Variants in FRMD5 observed in about 807,000 individuals in gnomAD.
FRMD5 encodes the protein FERM domain containing 5.
In FRMD5, 20 loss-of-function variants were observed where a neutral mutation model predicts 69.0. The ratio of observed to expected loss-of-function variants is 0.29; its 90% CI spans 0.20 to 0.42. FRMD5 has a LOEUF of 0.42. Ranked by LOEUF, FRMD5 falls within the 10% of genes least tolerant of loss-of-function variation. The pLI, the probability that FRMD5 is intolerant of heterozygous loss-of-function variation, is 1.00. For missense variants in FRMD5, 595 were observed against 708.6 expected, an observed-to-expected ratio of 0.84 and a Z score of 1.82; for synonymous variants, 271 against 260.1, an observed-to-expected ratio of 1.04 and a Z score of -0.40.
intron 1 of FRMD5, among the ~76,000 whole-genome samples, chr15:43,979,126 C>A (rs2090509418): frequency 6.6e-6 from 1 of 151,950 alleles, no homozygotes; most frequent in Non-Finnish European, 1.5e-5. Flanking sequence ...TCACCTGAGG[C>A]CAGCAGTTCA....
At chr15:43,981,897 C>T (rs1233051463) in intron 1 of FRMD5, among the ~76,000 whole-genome samples, 5 of 152,324 alleles carry the variant, frequency 3.3e-5, no homozygotes, top group Admixed American at 3.3e-4. Context: ...TCTACCCTCT[C>T]CCCCACTTTT....
rs141859809 is a variant in FRMD5, at chr15:44,167,748, C to T, written c.102+27205G>A. On this transcript the variant is annotated intron_variant, in intron 1 of 13. Transcript: ENST00000417257. ...GGGATTACAGGCATGTGCCATGATG[C>T]CCGGCTAATTTTTGTATTTTTTAGT... Among the ~76,000 whole-genome samples, 1,011 of 152,270 alleles carry T rather than the reference C, an allele frequency of 6.6e-3. 11 individuals carry two copies. The highest frequency in any genetic ancestry group is 0.023 in the African/African-American group (970 of 41,562).
At chr15:44,193,986 A>G (rs1170740982) in intron 1 of FRMD5, among the ~76,000 whole-genome samples, 1 of 152,242 alleles carries the variant, frequency 6.6e-6, no homozygotes, top group African/African-American at 2.4e-5. Flanking sequence ...GCTTCTCCAC[A>G]AAGAGCAGCT....
chr15:44,052,995 G>A (rs1190679559), intron 1 of FRMD5, among the ~76,000 whole-genome samples: 1 of 152,146 alleles, frequency 6.6e-6, no homozygotes, highest in African/African-American at 2.4e-5. Flanking sequence ...TTACAACAGT[G>A]TAACTGTGCT....
At chr15:44,155,225 A>C (rs2077507527) in intron 1 of FRMD5, among the ~76,000 whole-genome samples, 1 of 152,150 alleles carries the variant, frequency 6.6e-6, no homozygotes, top group Non-Finnish European at 1.5e-5. Flanking sequence ...CAAGGTCGGG[A>C]GATCAAGACC....
chr15:44,082,409 A>C (rs140594388), intron 1 of FRMD5, among the ~76,000 whole-genome samples: 2 of 152,080 alleles, frequency 1.3e-5, no homozygotes, highest in African/African-American at 4.8e-5. Flanking sequence ...GCTATGTGAC[A>C]ATCAGTCCTC....
At chr15:44,182,014 CT>C (rs11291925) in intron 1 of FRMD5, among the ~76,000 whole-genome samples, 23,069 of 141,870 alleles carry the variant, frequency 0.16, 3,906 homozygotes, top group African/African-American at 0.47. Context: ...TTTACATTTG[CT>C]TTTTTTTTTT....
At chr15:44,158,643 AG>A (rs1292590898) in intron 1 of FRMD5, among the ~76,000 whole-genome samples, 1 of 152,234 alleles carries the variant, frequency 6.6e-6, no homozygotes, top group Non-Finnish European at 1.5e-5. Flanking sequence ...ACATACTCAA[AG>A]CAGCCCTCAA....
intron 5 of FRMD5, 40 bp from the exon 6 acceptor site, chr15:43,905,991 G>C: frequency 1.9e-6 from 3 of 1,613,286 alleles, no homozygotes; most frequent in Non-Finnish European, 2.5e-6. Flanking sequence ...TGTGGAGACA[G>C]GTAAATCATC....
At chr15:43,940,197 G>A (rs1187271107) in intron 1 of FRMD5, among the ~76,000 whole-genome samples, 1 of 152,092 alleles carries the variant, frequency 6.6e-6, no homozygotes. Context: ...CAACAACAAC[G>A]ACAAAAGATG....
At position 44,010,898 on chromosome 15, in the gene FRMD5, G is replaced by T. The variant is rs557318753; in HGVS notation, c.103-86589C>A. On this transcript the variant is annotated intron_variant, in intron 1 of 13. Coordinates refer to ENST00000417257, the MANE Select transcript of FRMD5 (RefSeq NM_032892.5). ...ACGTTAAAAAAAAAATGCTTCAGTGGGTACCTACTATGTGTAAAGCATAGC... is the reference window on the plus strand; with the variant it reads ...ACGTTAAAAAAAAAATGCTTCAGTGTGTACCTACTATGTGTAAAGCATAGC... 1.6e-4 allele frequency among the ~76,000 whole-genome samples: 25 copies of T among 152,234 alleles called. 1 individual carries two copies. In the South Asian group the frequency reaches 4.8e-3, roughly 29 times the overall value.
At chr15:43,990,485 A>G (rs1889622971) in intron 1 of FRMD5, among the ~76,000 whole-genome samples, 1 of 152,264 alleles carries the variant, frequency 6.6e-6, no homozygotes, top group Non-Finnish European at 1.5e-5. Flanking sequence ...ATTTATAACC[A>G]ATAGAAATAG....
In FRMD5 at chr15:43,873,032, C is replaced by T. The variant is rs2088203055; in HGVS notation, c.*853G>A. ...TGACAGAACTATCTATCTCTGGTACCACTGAATTCGTTTAACGCCCCTGGA... is the reference window on the plus strand; with the variant it reads ...TGACAGAACTATCTATCTCTGGTACTACTGAATTCGTTTAACGCCCCTGGA... On this transcript the variant is annotated 3_prime_UTR_variant, in exon 14 of 14. Transcript: ENST00000417257. 1.5e-6 allele frequency: 1 copy of T among 677,578 alleles called. No homozygotes were observed. The highest frequency in any genetic ancestry group is 1.8e-5 in the African/African-American group (1 of 55,158). The allele number at this position is 677,578 out of a possible 1,614,324, so 42.0% of individuals were successfully genotyped here.
intron 1 of FRMD5, among the ~76,000 whole-genome samples, chr15:44,095,067 C>G: frequency 6.6e-6 from 1 of 151,826 alleles, no homozygotes. Flanking sequence ...TCAAAATTAC[C>G]CAAGCATAAG....
intron 1 of FRMD5, among the ~76,000 whole-genome samples, chr15:44,069,913 G>C (rs1023480112): frequency 3.9e-5 from 6 of 152,124 alleles, no homozygotes; most frequent in Admixed American, 3.9e-4. Flanking sequence ...GGTTAAGGGG[G>C]AGGCAAGACA....
At chr15:44,005,733 C>A (rs1890415739) in intron 1 of FRMD5, among the ~76,000 whole-genome samples, 1 of 151,962 alleles carries the variant, frequency 6.6e-6, no homozygotes, top group South Asian at 2.1e-4. Context: ...AACTCTTATC[C>A]CAAGAACAGC....
At chr15:44,003,536 A>T (rs1890305521) in intron 1 of FRMD5, among the ~76,000 whole-genome samples, 1 of 152,134 alleles carries the variant, frequency 6.6e-6, no homozygotes, top group Non-Finnish European at 1.5e-5. Context: ...TACTCCCTTC[A>T]TCATCCTACT....
chr15:43,999,714 T>C (rs1890093114), intron 1 of FRMD5, among the ~76,000 whole-genome samples: 1 of 151,984 alleles, frequency 6.6e-6, no homozygotes, highest in Non-Finnish European at 1.5e-5. Context: ...CTCAGAATAA[T>C]GCCCTCCAGT....
upstream of FRMD5, among the ~76,000 whole-genome samples, chr15:44,196,341 G>A (rs531108560): frequency 6.6e-6 from 1 of 152,040 alleles, no homozygotes; most frequent in East Asian, 1.9e-4. Flanking sequence ...GCACGCACCT[G>A]TAATCCCAGC....
Sources: allele counts gnomAD v4.1 joint callset (sites outside exome capture counted in the v4.1 genomes callset), GRCh38; gene constraint gnomAD v4.1.1; transcripts MANE v1.5; gene names NCBI Gene and HGNC (gene_info 2026-07-23, HGNC 2026-07-21).